Variants in ACOT13 observed in about 807,000 individuals in gnomAD.
The protein encoded by ACOT13 is acyl-CoA thioesterase 13, also known as acyl-coenzyme A thioesterase 13.
A neutral mutation model predicts 11.8 loss-of-function variants in ACOT13; 10 were observed. That is an observed-to-expected ratio of 0.85 (90% CI 0.53 to 1.44). The LOEUF (loss-of-function observed/expected upper bound fraction) is 1.44, where lower values mean the gene tolerates loss of function less well. Among genes scored for constraint, ACOT13 ranks in the 40% most tolerant of loss-of-function variants. The probability of loss-of-function intolerance (pLI) is 0.00; values close to 1 mark genes in which losing one functional copy is unlikely to be tolerated. For synonymous variants in ACOT13, 53 were observed against 61.0 expected (o/e 0.87, Z 0.61); for missense variants, 172 against 174.1 (o/e 0.99, Z 0.07).
At position 24,702,881 on chromosome 6, in the gene ACOT13, CA is replaced by C. The variant is rs796408116; in HGVS notation, c.*1267del. ...TATTGAAAAGACCAAGTTCACTTCT[CA>C]GAAGTCTCCAAGTTCAGTTGACTGT... On this transcript the variant is annotated 3_prime_UTR_variant, in exon 3 of 3. Coordinates refer to ENST00000230048, the MANE Select transcript of ACOT13 (RefSeq NM_018473.4). 1.1e-4 allele frequency: 17 copies of C among 152,274 alleles called. No homozygotes were observed. Among genetic ancestry groups the C allele is most frequent in the African/African-American group, 4.1e-4 (17 of 41,558 alleles). 9.4% of individuals were successfully genotyped at this position (152,274 alleles called of 1,614,324 possible). A position where few individuals can be genotyped will look rare whatever the true frequency, so the allele number is the denominator to read the frequency against.
In ACOT13 at chr6:24,704,929, CTTTTTTTT is replaced by C. The variant is rs201072095; in HGVS notation, c.*3316_*3323del. ...ATTTAGGTTTTCTTTTTCTTTTTTT[CTTTTTTTT>C]TCAAATTCCAACCAGAAGCTAAATA... On this transcript the variant is annotated 3_prime_UTR_variant, in exon 3 of 3. Transcript: ENST00000230048. 16 of 150,094 alleles carry C rather than the reference CTTTTTTTT, an allele frequency of 1.1e-4. No individual in the cohort carries two copies. The highest frequency in any genetic ancestry group is 1.9e-4 in the Non-Finnish European group (13 of 67,280). The allele number at this position is 150,094 out of a possible 1,614,324, so 9.3% of individuals were successfully genotyped here.
intron 1 of ACOT13, among the ~76,000 whole-genome samples, chr6:24,671,974 G>A (rs1778373403): frequency 6.6e-6 from 1 of 152,182 alleles, no homozygotes; most frequent in Non-Finnish European, 1.5e-5. Context: ...ATTTGACAAT[G>A]CTTCCTGTGT....
rs1392229916 is a variant in ACOT13 at position 24,702,974 on chromosome 6, A to G, written c.*1359A>G. The G allele has an allele frequency of 6.6e-6, 1 of 152,170 alleles. No individual in the cohort carries two copies. Among genetic ancestry groups the G allele is most frequent in the Non-Finnish European group, 1.5e-5 (1 of 68,020 alleles). 9.4% of individuals were successfully genotyped at this position (152,170 alleles called of 1,614,324 possible). On this transcript the variant is annotated 3_prime_UTR_variant, in exon 3 of 3. Transcript: ENST00000230048. ...CAATCACAGCTTCCCATAGCCTCAAAATCCCAGGCTCAAGACATTCTTCCA... is the reference window on the plus strand; with the variant it reads ...CAATCACAGCTTCCCATAGCCTCAAGATCCCAGGCTCAAGACATTCTTCCA...
rs115153051 is a variant in ACOT13, at chr6:24,681,419, T to C, written c.81+14075T>C. 3.9e-3 allele frequency among the ~76,000 whole-genome samples: 598 copies of C among 152,378 alleles called. 2 individuals carry two copies. The highest frequency in any genetic ancestry group is 0.015 in the East Asian group (80 of 5,190). On this transcript the variant is annotated intron_variant, in intron 1 of 2. Transcript: ENST00000230048. ...TGACAACAGTGGTATTGGAGTATTA[T>C]AGAGTCATAGAGAAGACCTTCAATT...
chr6:24,671,877 A>G (rs947065410), intron 1 of ACOT13, among the ~76,000 whole-genome samples: 1 of 152,234 alleles, frequency 6.6e-6, no homozygotes, highest in African/African-American at 2.4e-5. Flanking sequence ...TCATATCAGA[A>G]TTACAGGAAT....
At chr6:24,695,677 T>C (rs1310261265) in intron 1 of ACOT13, among the ~76,000 whole-genome samples, 3 of 152,214 alleles carry the variant, frequency 2.0e-5, no homozygotes, top group Admixed American at 6.5e-5. Flanking sequence ...ATCACATAAA[T>C]GTGTGAATGA....
At chr6:24,698,383 A>C (rs192064852) in intron 2 of ACOT13, among the ~76,000 whole-genome samples, 1 of 152,218 alleles carries the variant, frequency 6.6e-6, no homozygotes, top group Non-Finnish European at 1.5e-5. Flanking sequence ...TGTTTCATAC[A>C]GTCCTTAAAA....
At chr6:24,667,809 C>G (rs1436001269) in intron 1 of ACOT13, among the ~76,000 whole-genome samples, 1 of 152,330 alleles carries the variant, frequency 6.6e-6, no homozygotes, top group East Asian at 1.9e-4. Flanking sequence ...TGGGAAATTT[C>G]TCAAAGGCAC....
intron 1 of ACOT13, 30 bp downstream of exon 1, chr6:24,667,374 C>T (rs771672053): frequency 4.4e-6 from 7 of 1,604,772 alleles, no homozygotes; most frequent in Non-Finnish European, 5.1e-6. Flanking sequence ...GAAGCCGTGG[C>T]TTCTAATGAA....
chr6:24,675,093 G>C (rs1480824340), intron 1 of ACOT13, among the ~76,000 whole-genome samples: 3 of 152,140 alleles, frequency 2.0e-5, no homozygotes, highest in Non-Finnish European at 4.4e-5. Flanking sequence ...AGTATTCCAT[G>C]GTATATATGT....
chr6:24,694,516 A>G (rs1254338988), intron 1 of ACOT13, among the ~76,000 whole-genome samples: 3 of 152,230 alleles, frequency 2.0e-5, no homozygotes, highest in Non-Finnish European at 4.4e-5. Context: ...GGTCTCTAAC[A>G]TGGAGTTAGC....
chr6:24,687,361 T>A, intron 1 of ACOT13: 1 of 1,007,562 alleles, frequency 9.9e-7, no homozygotes, highest in Non-Finnish European at 1.2e-6. Context: ...ATGCTTAACA[T>A]TATCGTGTTT....
At chr6:24,698,638 T>TG (rs1397113025) in intron 2 of ACOT13, among the ~76,000 whole-genome samples, 1 of 148,558 alleles carries the variant, frequency 6.7e-6, no homozygotes, top group Admixed American at 6.9e-5. Context: ...ACACCATTGC[T>TG]GGGGTTTTTT....
Position 24,704,088 on chromosome 6 carries a change from G to A in ACOT13, c.*2473G>A, listed in dbSNP as rs1390112730. On this transcript the variant is annotated 3_prime_UTR_variant, in exon 3 of 3. Coordinates refer to ENST00000230048, the MANE Select transcript of ACOT13 (RefSeq NM_018473.4). ...CAACAAAACGAATATGGATGATAAA[G>A]AGTATCAACATTCCCTGAGTTTGGT... 1 of 151,830 alleles carries A rather than the reference G, an allele frequency of 6.6e-6. No homozygotes were observed. Among genetic ancestry groups the A allele is most frequent in the African/African-American group, 2.4e-5 (1 of 41,152 alleles). The allele number at this position is 151,830 out of a possible 1,614,324, so 9.4% of individuals were successfully genotyped here.
intron 1 of ACOT13, among the ~76,000 whole-genome samples, chr6:24,676,889 G>A (rs1288484892): frequency 6.6e-6 from 1 of 152,128 alleles, no homozygotes; most frequent in African/African-American, 2.4e-5. Context: ...GTGTTCCCTC[G>A]GAAGTTAGGA....
Position 24,667,266 on chromosome 6 carries a change from G to GACC in ACOT13, c.5_7dup (p.Thr2dup). Reference sequence around the variant, plus strand: ...CAAAGGCTGGAAAACCGTCCACGATGACCAGCATGACTCAGTCTCTGCGGG... The same window carrying GACC: ...CAAAGGCTGGAAAACCGTCCACGATGACCACCAGCATGACTCAGTCTCTGCGGG... On this transcript the variant is annotated inframe_insertion, in exon 1 of 3. Transcript: ENST00000230048. The GACC allele has an allele frequency of 6.2e-7, 1 of 1,613,994 alleles. No homozygotes were observed. The highest frequency in any genetic ancestry group is 8.5e-7 in the Non-Finnish European group (1 of 1,180,000).
intron 1 of ACOT13, among the ~76,000 whole-genome samples, chr6:24,689,539 G>C (rs931720319): frequency 5.3e-5 from 8 of 152,098 alleles, no homozygotes; most frequent in African/African-American, 1.4e-4. Flanking sequence ...GCCAAGTAAT[G>C]TATATAATAT....
At chr6:24,671,782 G>A in intron 1 of ACOT13, among the ~76,000 whole-genome samples, 1 of 152,142 alleles carries the variant, frequency 6.6e-6, no homozygotes, top group South Asian at 2.1e-4. Flanking sequence ...AGACACAATT[G>A]ACAAGGAAAT....
chr6:24,689,994 T>C (rs2127626309), intron 1 of ACOT13, among the ~76,000 whole-genome samples: 1 of 152,360 alleles, frequency 6.6e-6, no homozygotes, highest in East Asian at 1.9e-4. Context: ...GTTCTTTCTA[T>C]GTAGATCCTC....
Sources: gnomAD v4.1 joint callset for allele counts (sites outside exome capture counted in the v4.1 genomes callset) on GRCh38, gnomAD v4.1.1 for gene constraint, MANE v1.5 for transcripts, NCBI Gene and HGNC (gene_info 2026-07-23, HGNC 2026-07-21) for gene names.